Variants in SLCO1B1 observed in about 807,000 individuals in gnomAD.
The protein encoded by SLCO1B1 is solute carrier organic anion transporter family member 1B1.
In SLCO1B1, 81 loss-of-function variants were observed where a neutral mutation model predicts 70.1. The ratio of observed to expected loss-of-function variants is 1.16; its 90% confidence interval spans 0.97 to 1.39. The LOEUF is 1.39. Among genes scored for constraint, SLCO1B1 ranks in the 40% most tolerant of loss-of-function variants. The pLI is 0.00. For synonymous variants in SLCO1B1, 283 were observed against 271.5 expected (o/e 1.04, Z -0.42); for missense variants, 895 against 799.6 (o/e 1.12, Z -1.44).
At chr12:21,215,131 G>A (rs1325938065) in intron 11 of SLCO1B1, among the ~76,000 whole-genome samples, 1 of 152,156 alleles carries the variant, frequency 6.6e-6, no homozygotes, top group Non-Finnish European at 1.5e-5. Flanking sequence ...AGTGCAGAGA[G>A]ATAATGTGAG....
At chr12:21,157,289 A>G (rs1940555025) in intron 2 of SLCO1B1, among the ~76,000 whole-genome samples, 1 of 152,184 alleles carries the variant, frequency 6.6e-6, no homozygotes, top group Admixed American at 6.5e-5. Context: ...AGCCAAGAAT[A>G]TAGTAAAGTG....
rs1330152204 is a variant in SLCO1B1, at chr12:21,196,947, C to T, written c.729C>T (p.Ser243=). Residue 243 remains serine (S), a splice_region_variant and synonymous_variant, in exon 8 of 15, where the codon AGC becomes AGT. Transcript: ENST00000256958. ...GGCTTCTATAATTATTTATTCTAGGCACTATCAGGATAACTCCTACTGATT... is the reference window on the plus strand; with the variant it reads ...GGCTTCTATAATTATTTATTCTAGGTACTATCAGGATAACTCCTACTGATT... The part of the protein sequence containing the change: ...MYVDIGYVDL[S]TIRITPTDSR... The T allele has an allele frequency of 8.1e-6, 13 of 1,612,884 alleles. No homozygotes were observed. The highest frequency in any genetic ancestry group is 1.3e-5 in the African/African-American group (1 of 74,812).
chr12:21,135,855 G>A (rs1238120876), intron 1 of SLCO1B1, among the ~76,000 whole-genome samples: 1 of 151,894 alleles, frequency 6.6e-6, no homozygotes, highest in Non-Finnish European at 1.5e-5. Flanking sequence ...ATATTGTTAT[G>A]TGTGAATTTG....
intron 14 of SLCO1B1, among the ~76,000 whole-genome samples, chr12:21,233,545 G>A (rs1370534899): frequency 1.4e-5 from 2 of 140,644 alleles, no homozygotes; most frequent in African/African-American, 5.2e-5. Flanking sequence ...GAGCTGAACT[G>A]AGACCTCAAA....
intron 14 of SLCO1B1, among the ~76,000 whole-genome samples, chr12:21,228,503 A>G (rs1231067477): frequency 2.6e-5 from 4 of 152,160 alleles, no homozygotes; most frequent in Admixed American, 6.6e-5. Flanking sequence ...TAATTACACT[A>G]TGTTCAGGTT....
At chr12:21,141,121 A>T (rs1940301687) in intron 1 of SLCO1B1, among the ~76,000 whole-genome samples, 1 of 151,950 alleles carries the variant, frequency 6.6e-6, no homozygotes, top group Non-Finnish European at 1.5e-5. Context: ...GCAAGGGGCT[A>T]ATAGGCACAT....
rs945290423 is a variant in SLCO1B1, at chr12:21,172,943, G to T, written c.226+152G>T. On this transcript the variant is annotated intron_variant, in intron 3 of 14. Transcript: ENST00000256958. ...TTGTGGTTGTCATAACTGCACAGGG[G>T]TTGGGGGCAATGGAAGTGCTACTGG... is the stretch of plus-strand genomic sequence containing the variant. 4.6e-5 allele frequency: 33 copies of T among 718,588 alleles called. No homozygotes were observed. The African/African-American group carries it at 5.0e-4, about 11-fold the overall frequency. The allele number at this position is 718,588 out of a possible 1,614,324, so 44.5% of individuals were successfully genotyped here. A position where few individuals can be genotyped will look rare whatever the true frequency, so the allele number is the denominator to read the frequency against.
chr12:21,188,585 G>C (rs1040559338), intron 7 of SLCO1B1, among the ~76,000 whole-genome samples: 1 of 152,040 alleles, frequency 6.6e-6, no homozygotes, highest in Admixed American at 6.6e-5. Context: ...AGGTGATTGG[G>C]TGATAAAGGT....
At chr12:21,190,154 A>G (rs190085395) in intron 7 of SLCO1B1, among the ~76,000 whole-genome samples, 17 of 152,292 alleles carry the variant, frequency 1.1e-4, no homozygotes, top group Non-Finnish European at 2.1e-4. Context: ...AAATAGGTAT[A>G]AGGAAGTATA....
intron 5 of SLCO1B1, among the ~76,000 whole-genome samples, 182 bp from the exon 6 acceptor site, chr12:21,178,394 A>G (rs1433631970): frequency 6.6e-6 from 1 of 152,144 alleles, no homozygotes; most frequent in East Asian, 1.9e-4. Flanking sequence ...GTATGTATTT[A>G]TTAGCAGCAT....
At chr12:21,197,263 A>G (rs2121140528) in intron 8 of SLCO1B1, 75 bp downstream of exon 8, 2 of 1,542,366 alleles carry the variant, frequency 1.3e-6, no homozygotes, top group East Asian at 2.3e-5. Context: ...TTCCAAAATA[A>G]TAAAGCATAC....
At chr12:21,215,734 TAAG>T (rs1012610343) in intron 11 of SLCO1B1, among the ~76,000 whole-genome samples, 33 of 152,304 alleles carry the variant, frequency 2.2e-4, no homozygotes, top group Admixed American at 8.5e-4. Flanking sequence ...AAAAATCAGT[TAAG>T]AAAGAGTCCT....
chr12:21,191,803 TCCTAG>T (rs1941032906), intron 7 of SLCO1B1, among the ~76,000 whole-genome samples: 1 of 152,130 alleles, frequency 6.6e-6, no homozygotes, highest in Non-Finnish European at 1.5e-5. Flanking sequence ...TTTTATCTAT[TCCTAG>T]CTTGTTGAAA....
intron 1 of SLCO1B1, among the ~76,000 whole-genome samples, chr12:21,135,074 C>G (rs189764284): frequency 1.5e-4 from 23 of 152,210 alleles, no homozygotes; most frequent in African/African-American, 4.6e-4. Context: ...TTTATTTATG[C>G]CTTCATTTCA....
chr12:21,201,172 A>G (rs1474857212), intron 9 of SLCO1B1, among the ~76,000 whole-genome samples: 1 of 152,096 alleles, frequency 6.6e-6, no homozygotes, highest in Non-Finnish European at 1.5e-5. Context: ...GCACATTTAG[A>G]TGTGCTTATT....
At chr12:21,142,804 G>C in intron 2 of SLCO1B1, among the ~76,000 whole-genome samples, 1 of 152,136 alleles carries the variant, frequency 6.6e-6, no homozygotes, top group Admixed American at 6.5e-5. Flanking sequence ...TCACTGACAT[G>C]TGCATAGCAA....
intron 14 of SLCO1B1, among the ~76,000 whole-genome samples, chr12:21,238,604 A>G (rs1458139273): frequency 2.6e-5 from 4 of 152,102 alleles, no homozygotes; most frequent in African/African-American, 9.7e-5. Flanking sequence ...GTAGCATTCT[A>G]CAGGCCTACA....
intron 8 of SLCO1B1, among the ~76,000 whole-genome samples, chr12:21,199,691 A>G (rs1941133672): frequency 6.6e-6 from 1 of 152,058 alleles, no homozygotes; most frequent in South Asian, 2.1e-4. Flanking sequence ...TTTCCATTTA[A>G]TAGTTATATT....
chr12:21,218,216 C>T (rs995207970), intron 12 of SLCO1B1, among the ~76,000 whole-genome samples: 38 of 152,240 alleles, frequency 2.5e-4, no homozygotes, highest in African/African-American at 8.9e-4. Context: ...CAGATTGAAA[C>T]ATACTGAATG....
Sources: gnomAD v4.1 joint callset for allele counts (sites outside exome capture counted in the v4.1 genomes callset) on GRCh38, gnomAD v4.1.1 for gene constraint, MANE v1.5 for transcripts, NCBI Gene and HGNC (gene_info 2026-07-23, HGNC 2026-07-21) for gene names.